ACSM4: variants seen among roughly 807,000 people sequenced by gnomAD.
The protein encoded by ACSM4 is acyl-CoA synthetase medium chain family member 4.
Under a neutral mutation model 73.0 loss-of-function variants are expected in ACSM4, and 66 were observed. That is an observed-to-expected ratio of 0.90 (90% CI 0.74 to 1.11). The LOEUF (loss-of-function observed/expected upper bound fraction) is 1.11. Ranked by LOEUF, ACSM4 falls within the 50% of genes least tolerant of loss-of-function variation. The probability of loss-of-function intolerance (pLI) is 0.00; values close to 1 mark genes in which losing one functional copy is unlikely to be tolerated. For missense variants in ACSM4, 645 were observed against 714.4 expected (o/e 0.90, Z 1.11); for synonymous variants, 222 against 254.0 (o/e 0.87, Z 1.20).
chr12:7,321,187 A>G (rs866141070), intron 6 of ACSM4, among the ~76,000 whole-genome samples: 4 of 152,200 alleles, frequency 2.6e-5, no homozygotes, highest in Non-Finnish European at 5.9e-5. Flanking sequence ...TCAAAAAAAA[A>G]TTGTCCTCTA....
In ACSM4 at chr12:7,317,278, A is replaced by T. The variant is rs1946428086; in HGVS notation, c.762A>T (p.Gly254=). Residue 254 remains glycine, a splice_region_variant and synonymous_variant, in exon 4 of 13, where the codon GGA becomes GGT. Transcript: ENST00000399422. The part of the protein sequence containing the change: ...SSLGIGFTLC[G]RYWLDLKSSD... The stretch of plus-strand genomic sequence containing the variant: ...TCGGCATTGGGTTCACCCTCTGCGG[A>T]AGGTAGGGAAGAAAATTCAGTTTGT... The T allele has an allele frequency of 1.3e-6, 2 of 1,554,776 alleles. No individual in the cohort carries two copies. Among genetic ancestry groups the T allele is most frequent in the Admixed American group, 4.0e-5 (2 of 49,884 alleles).
Position 7,322,420 on chromosome 12 carries a change from A to T in ACSM4, c.1004A>T (p.Tyr335Phe). The change falls in exon 7 of 13, where the codon TAT (tyrosine) becomes TTT (phenylalanine). Residue 335 changes from tyrosine (Y) to phenylalanine (F), a missense_variant and splice_region_variant. By Grantham distance (22) the Tyr-to-Phe change is conservative (BLOSUM62 3). Coordinates refer to ENST00000399422, the MANE Select transcript of ACSM4 (RefSeq NM_001080454.2). ...CCCATGCAACTCTGTCTCTCCAGAT[A>T]TAAATTCAAGAGTCTGCGGCACTGC... Reference protein sequence around the residue: ...RMLVQKDLKRYKFKSLRHCLT... With the variant: ...RMLVQKDLKRFKFKSLRHCLT... The T allele has an allele frequency of 6.2e-7, 1 of 1,613,752 alleles. No individual in the cohort carries two copies. Among genetic ancestry groups the T allele is most frequent in the African/African-American group, 1.3e-5 (1 of 75,048 alleles).
chr12:7,327,167 G>T, intron 12 of ACSM4, 72 bp downstream of exon 12: 2 of 1,455,742 alleles, frequency 1.4e-6, no homozygotes, highest in South Asian at 1.4e-5. Flanking sequence ...AGATTTTACT[G>T]GATTTTGATT....
intron 5 of ACSM4, chr12:7,318,550 T>C: frequency 5.9e-6 from 1 of 169,542 alleles, no homozygotes; most frequent in Non-Finnish European, 1.3e-5. Flanking sequence ...ACCAGAACTC[T>C]TGTGTGGAGT....
intron 4 of ACSM4, among the ~76,000 whole-genome samples, chr12:7,317,560 C>T (rs1159762015): frequency 6.6e-6 from 1 of 152,132 alleles, no homozygotes; most frequent in Non-Finnish European, 1.5e-5. Flanking sequence ...GAAAGGCCTT[C>T]CTAAAAGAGA....
intron 1 of ACSM4, 132 bp downstream of exon 1, chr12:7,304,664 C>T (rs1031125823): frequency 1.0e-6 from 1 of 977,188 alleles, no homozygotes; most frequent in African/African-American, 1.6e-5. Flanking sequence ...GTTTGTTTTC[C>T]AATTGCCCTC....
At position 7,328,440 on chromosome 12, in the gene ACSM4, T is replaced by C; in HGVS notation, c.*67T>C. ...TTTCTTTTAGTATTTGTTCCGATAATTCAGCGACTACTCTCTTAAAATGTT... is the reference window on the plus strand; with the variant it reads ...TTTCTTTTAGTATTTGTTCCGATAACTCAGCGACTACTCTCTTAAAATGTT... On this transcript the variant is annotated 3_prime_UTR_variant, in exon 13 of 13. Transcript: ENST00000399422. 1 of 1,202,730 alleles carries C rather than the reference T, an allele frequency of 8.3e-7. No homozygotes were observed. Among genetic ancestry groups the C allele is most frequent in the South Asian group, 1.5e-5 (1 of 65,022 alleles). The allele number at this position is 1,202,730 out of a possible 1,614,324, so 74.5% of individuals were successfully genotyped here.
At chr12:7,317,355 C>T in intron 4 of ACSM4, 75 bp downstream of exon 4, 1 of 1,452,390 alleles carries the variant, frequency 6.9e-7, no homozygotes, top group Non-Finnish European at 9.1e-7. Flanking sequence ...CTAACTGATA[C>T]TTCTCCTTGA....
At chr12:7,324,144 A>G (rs1384899408) in intron 9 of ACSM4, 129 bp from the exon 10 acceptor site, 4 of 1,101,524 alleles carry the variant, frequency 3.6e-6, no homozygotes, top group Non-Finnish European at 5.1e-6. Flanking sequence ...CAACAGAGAG[A>G]GACTCTGTCT....
In ACSM4 at chr12:7,324,561, C is replaced by T. The variant is rs936896432; in HGVS notation, c.1499C>T (p.Ser500Leu). 9.3e-6 allele frequency: 15 copies of T among 1,613,892 alleles called. No homozygotes were observed. The highest frequency in any genetic ancestry group is 4.4e-5 in the South Asian group (4 of 91,068). ...ALIEHPAVVE[S>L]AVVSSPDQIR... ...ATTGAGCATCCAGCAGTTGTTGAAT[C>T]GGCTGTTGTCAGTAGTCCAGATCAA... The change falls in exon 11 of 13, where the codon TCG becomes TTG. Residue 500 changes from serine (S) to leucine (L), a missense_variant. Ser to Leu is a moderately radical substitution (Grantham distance 145). Coordinates refer to ENST00000399422, the MANE Select transcript of ACSM4 (RefSeq NM_001080454.2).
intron 3 of ACSM4, among the ~76,000 whole-genome samples, chr12:7,316,451 C>G (rs1946421176): frequency 6.6e-6 from 1 of 152,180 alleles, no homozygotes; most frequent in Non-Finnish European, 1.5e-5. Flanking sequence ...TCCATTAAAG[C>G]CTTACATCTC....
chr12:7,320,423 T>C (rs916518780), intron 5 of ACSM4, among the ~76,000 whole-genome samples: 4 of 152,204 alleles, frequency 2.6e-5, no homozygotes, highest in Non-Finnish European at 5.9e-5. Context: ...GTTGTAGCCC[T>C]GAGGAAGAAT....
chr12:7,321,549 C>T (rs968450898), intron 6 of ACSM4, among the ~76,000 whole-genome samples: 2 of 152,176 alleles, frequency 1.3e-5, no homozygotes, highest in Admixed American at 6.5e-5. Flanking sequence ...TCCTATGTCA[C>T]GGCCTTTGAA....
intron 4 of ACSM4, 24 bp downstream of exon 4, chr12:7,317,304 T>G: frequency 1.3e-6 from 2 of 1,539,820 alleles, no homozygotes; most frequent in Non-Finnish European, 1.8e-6. Context: ...TTCAGTTTGT[T>G]TTTGGTGAAC....
rs1321710888 is a variant in ACSM4 at position 7,317,187 on chromosome 12, T to A, written c.671T>A (p.Met224Lys). 6.2e-7 allele frequency: 1 copy of A among 1,612,954 alleles called. No individual in the cohort carries two copies. Among genetic ancestry groups the A allele is most frequent in the Non-Finnish European group, 8.5e-7 (1 of 1,179,546 alleles). The change falls in exon 4 of 13, where the codon ATG becomes AAG. Residue 224 changes from methionine to lysine, a missense_variant. Transcript: ENST00000399422. ...SCVETGSQEP[M>K]TIYFTSGTTG... is the part of the protein sequence containing the mutation. ...GTGGAAACAGGAAGTCAAGAACCAA[T>A]GACCATTTATTTCACCAGTGGGACC...
Position 7,304,275 on chromosome 12 carries a change from C to A in ACSM4, c.-57C>A. The A allele has an allele frequency of 6.5e-7, 1 of 1,538,294 alleles. No homozygotes were observed. Among genetic ancestry groups the A allele is most frequent in the South Asian group, 1.1e-5 (1 of 88,488 alleles). Reference sequence around the variant, plus strand: ...AAACTGATACTCTCTATCCATCTCTCCCTACAGGCTGTAGTACTTCTGTGT... The same window carrying A: ...AAACTGATACTCTCTATCCATCTCTACCTACAGGCTGTAGTACTTCTGTGT... On this transcript the variant is annotated 5_prime_UTR_variant, in exon 1 of 13. Coordinates refer to ENST00000399422, the MANE Select transcript of ACSM4 (RefSeq NM_001080454.2).
intron 3 of ACSM4, among the ~76,000 whole-genome samples, chr12:7,311,692 G>T (rs958015440): frequency 4.6e-5 from 7 of 152,140 alleles, no homozygotes; most frequent in African/African-American, 1.7e-4. Flanking sequence ...TGTTGTTGTT[G>T]TTGTTGTTTT....
intron 5 of ACSM4, chr12:7,318,609 C>T (rs773697853): frequency 6.4e-6 from 1 of 155,272 alleles, no homozygotes; most frequent in African/African-American, 2.4e-5. Context: ...TCCTCTTATT[C>T]TCCCCCAGCC....
Position 7,319,497 on chromosome 12 carries a change from A to T in ACSM4, c.922-1228A>T, listed in dbSNP as rs185765776. Among the ~76,000 whole-genome samples the T allele has an allele frequency of 2.0e-3, 302 of 151,622 alleles. 2 individuals are homozygous for T. Among genetic ancestry groups the T allele is most frequent in the African/African-American group, 6.7e-3 (279 of 41,358 alleles). On this transcript the variant is annotated intron_variant, in intron 5 of 12. Coordinates refer to ENST00000399422, the MANE Select transcript of ACSM4 (RefSeq NM_001080454.2). ...TCCCAGCTACTTGGGAGGCTGAGGCAGAGAATTGCTTGAATCTGGGAGGCA... is the reference window on the plus strand; with the variant it reads ...TCCCAGCTACTTGGGAGGCTGAGGCTGAGAATTGCTTGAATCTGGGAGGCA...
Sources: gnomAD v4.1 joint callset for allele counts (sites outside exome capture counted in the v4.1 genomes callset) on GRCh38, gnomAD v4.1.1 for gene constraint, MANE v1.5 for transcripts, NCBI Gene and HGNC (gene_info 2026-07-23, HGNC 2026-07-21) for gene names.